Variants in KYAT3 observed in about 807,000 individuals in gnomAD.
KYAT3 encodes kynurenine--oxoglutarate transaminase 3.
A neutral mutation model predicts 59.0 loss-of-function variants in KYAT3; 50 were observed. The ratio of observed to expected loss-of-function variants is 0.85; its 90% CI spans 0.68 to 1.07. The LOEUF is 1.07. Ranked by LOEUF, KYAT3 falls within the 50% of genes least tolerant of loss-of-function variation. KYAT3 has a pLI of 0.00. For synonymous variants in KYAT3, 148 were observed against 177.0 expected (o/e 0.84, Z 1.30); for missense variants, 497 against 533.3 (o/e 0.93, Z 0.67).
At chr1:88,946,677 A>C (rs1422253235) in intron 11 of KYAT3, among the ~76,000 whole-genome samples, 1 of 152,154 alleles carries the variant, frequency 6.6e-6, no homozygotes, top group Admixed American at 6.5e-5. Flanking sequence ...TTTTTTTATC[A>C]TTTCATAAAA....
chr1:88,991,589 T>C lies in KYAT3; in HGVS notation c.-2+996A>G, dbSNP rs192137722. Reference sequence around the variant, plus strand: ...GGGGGAGTACAGTGGAAGGATGCGCTTCAAAGCCACGTCTTTAGAACAAGA... The same window carrying C: ...GGGGGAGTACAGTGGAAGGATGCGCCTCAAAGCCACGTCTTTAGAACAAGA... On this transcript the variant is annotated intron_variant, in intron 1 of 13. Transcript: ENST00000260508. Among the ~76,000 whole-genome samples the C allele has an allele frequency of 2.2e-3, 342 of 152,334 alleles. 2 individuals are homozygous for C. The highest frequency in any genetic ancestry group is 2.7e-3 in the East Asian group (14 of 5,190).
intron 8 of KYAT3, among the ~76,000 whole-genome samples, chr1:88,959,569 T>C (rs1362388079): frequency 9.9e-5 from 4 of 40,220 alleles, no homozygotes; most frequent in Non-Finnish European, 6.1e-5. Flanking sequence ...CAAGACTCTG[T>C]CTCAAAAAAA....
At chr1:88,992,229 C>G (rs904617561) in intron 1 of KYAT3, among the ~76,000 whole-genome samples, 1 of 152,180 alleles carries the variant, frequency 6.6e-6, no homozygotes, top group Non-Finnish European at 1.5e-5. Flanking sequence ...CCGCCCGCCT[C>G]GGCCTCCCAA....
chr1:88,964,127 C>T (rs763225415), intron 5 of KYAT3, among the ~76,000 whole-genome samples: 1 of 152,128 alleles, frequency 6.6e-6, no homozygotes, highest in African/African-American at 2.4e-5. Flanking sequence ...CACTTGAACC[C>T]GTGAGGTGGA....
At chr1:88,924,097 A>C in the KYAT3 span, among the ~76,000 whole-genome samples, 1 of 152,188 alleles carries the variant, frequency 6.6e-6, no homozygotes, top group Non-Finnish European at 1.5e-5. Flanking sequence ...ACTGTGTTCA[A>C]TCTTAACTAA....
At chr1:88,977,537 C>T (rs1029039785) in intron 2 of KYAT3, among the ~76,000 whole-genome samples, 3 of 152,146 alleles carry the variant, frequency 2.0e-5, no homozygotes, top group Non-Finnish European at 4.4e-5. Flanking sequence ...CGAGGTTTCA[C>T]CATGTTGGCC....
chr1:88,926,422 AC>A, the KYAT3 span, among the ~76,000 whole-genome samples: 3 of 151,454 alleles, frequency 2.0e-5, no homozygotes, highest in Non-Finnish European at 4.4e-5. Flanking sequence ...CAAGCAATCC[AC>A]CCCCCTCACC....
chr1:88,944,893 G>A (rs1675376503), intron 11 of KYAT3, among the ~76,000 whole-genome samples: 1 of 152,062 alleles, frequency 6.6e-6, no homozygotes. Context: ...ACCCAGGCTG[G>A]AGTACAATGG....
downstream of KYAT3, among the ~76,000 whole-genome samples, chr1:88,931,112 T>A (rs948588169): frequency 1.3e-5 from 2 of 151,998 alleles, no homozygotes; most frequent in Non-Finnish European, 2.9e-5. Flanking sequence ...CAATGGAAAT[T>A]ACTTAAAACC....
At chr1:88,933,325 C>T (rs1674949021), downstream of KYAT3, among the ~76,000 whole-genome samples, 1 of 151,512 alleles carries the variant, frequency 6.6e-6, no homozygotes, top group Non-Finnish European at 1.5e-5. Context: ...GAGTGCCTGG[C>T]ACATAGTAGG....
downstream of KYAT3, among the ~76,000 whole-genome samples, chr1:88,933,681 A>G (rs1674956842): frequency 6.6e-6 from 1 of 152,228 alleles, no homozygotes; most frequent in Non-Finnish European, 1.5e-5. Flanking sequence ...TGAGGAAATA[A>G]GATCCAGAGC....
At chr1:88,948,997 G>A in intron 11 of KYAT3, 94 bp downstream of exon 11, 1 of 1,012,190 alleles carries the variant, frequency 9.9e-7, no homozygotes. Flanking sequence ...ATAAAATGCT[G>A]CTGTGGCTTT....
chr1:88,975,654 A>C (rs541152837), intron 2 of KYAT3, among the ~76,000 whole-genome samples: 1 of 152,362 alleles, frequency 6.6e-6, no homozygotes, highest in African/African-American at 2.4e-5. Context: ...TTGAAGCTTT[A>C]CATTATATAT....
chr1:88,949,163 G>A lies in KYAT3; in HGVS notation c.1069C>T (p.Leu357Phe). Residue 357 changes from leucine to phenylalanine, a missense_variant, in exon 11 of 14, where the codon CTT (leucine) becomes TTT (phenylalanine). By Grantham distance (22) the Leu-to-Phe change is conservative (BLOSUM62 0). This residue lies in a region of KYAT3 where 469 missense variants were observed against 479.1 expected (regional missense o/e 0.98). Coordinates refer to ENST00000260508, the MANE Select transcript of KYAT3 (RefSeq NM_001008661.3). ...ATGGGTTTTAGGCCAACACTTTCAA[G>A]TAAACGTACCATCCGATCTCTTTTT... ...EVKRDRMVRL[L>F]ESVGLKPIVP... The A allele has an allele frequency of 1.2e-6, 2 of 1,610,640 alleles. No homozygotes were observed. The highest frequency in any genetic ancestry group is 1.7e-6 in the Non-Finnish European group (2 of 1,178,810).
At position 88,961,404 on chromosome 1, in the gene KYAT3, T is replaced by C; in HGVS notation, c.643A>G (p.Thr215Ala). 6.2e-7 allele frequency: 1 copy of C among 1,613,940 alleles called. No homozygotes were observed. Among genetic ancestry groups the C allele is most frequent in the Admixed American group, 1.7e-5 (1 of 60,014 alleles). ...ACCTTGCCAAGTGGGTTATGTGGAGTATTTAGTATAATAGCTTTGGTTTTG... is the reference window on the plus strand; with the variant it reads ...ACCTTGCCAAGTGGGTTATGTGGAGCATTTAGTATAATAGCTTTGGTTTTG... ...NSKTKAIILN[T>A]PHNPLGKVYN... Residue 215 changes from threonine to alanine, a missense_variant, in exon 7 of 14, where the codon ACT becomes GCT. By Grantham distance (58) the Thr-to-Ala change is moderately conservative. Coordinates refer to ENST00000260508, the MANE Select transcript of KYAT3 (RefSeq NM_001008661.3).
chr1:88,959,262 C>T (rs1423571210), intron 8 of KYAT3, among the ~76,000 whole-genome samples: 7 of 150,234 alleles, frequency 4.7e-5, no homozygotes, highest in African/African-American at 1.2e-4. Context: ...GGTGACACAG[C>T]GAGACCCTGT....
At chr1:88,990,722 GA>G (rs2101106837) in intron 1 of KYAT3, among the ~76,000 whole-genome samples, 1 of 152,210 alleles carries the variant, frequency 6.6e-6, no homozygotes, top group South Asian at 2.1e-4. Context: ...GAGCATAGGT[GA>G]AAAAATGGCT....
intron 1 of KYAT3, 143 bp downstream of exon 1, chr1:88,992,442 T>A (rs1317084219): frequency 1.3e-5 from 2 of 152,634 alleles, no homozygotes; most frequent in Non-Finnish European, 1.5e-5. Flanking sequence ...TAGGGCCGAC[T>A]CCCTGCAGCC....
At position 88,943,432 on chromosome 1, in the gene KYAT3, AC is replaced by A; in HGVS notation, c.1142-10del. Reference sequence around the variant, plus strand: ...ATCAGAGAGGTCTGGATCTAAAACCACAATGAAAATTAGGTGGCCTATGAAT... The same window carrying A: ...ATCAGAGAGGTCTGGATCTAAAACCAAATGAAAATTAGGTGGCCTATGAAT... On this transcript the variant is annotated splice_polypyrimidine_tract_variant and intron_variant, in intron 11 of 13. Transcript: ENST00000260508. The A allele has an allele frequency of 6.7e-7, 1 of 1,499,304 alleles. No individual in the cohort carries two copies. Among genetic ancestry groups the A allele is most frequent in the Non-Finnish European group, 9.1e-7 (1 of 1,102,012 alleles). 92.9% of individuals were successfully genotyped at this position (1,499,304 alleles called of 1,614,324 possible).
Sources: allele counts gnomAD v4.1 joint callset (sites outside exome capture counted in the v4.1 genomes callset), GRCh38; gene constraint gnomAD v4.1.1; regional missense constraint gnomAD v4.1.1; transcripts MANE v1.5; gene names NCBI Gene and HGNC (gene_info 2026-07-23, HGNC 2026-07-21).